The following POTEE variants were observed in gnomAD, a reference collection of about 807,000 sequenced individuals.
The protein encoded by POTEE is ANKRD26-like family C member 1A.
POTEE carries 21 observed loss-of-function variants against 74.2 expected under a neutral mutation model. The observed-to-expected ratio is 0.28, with a 90% CI of 0.20 to 0.41. The LOEUF (loss-of-function observed/expected upper bound fraction) is 0.41, where lower values mean the gene tolerates loss of function less well. POTEE is among the 10% of genes least tolerant of loss of function. The pLI is 1.00. For missense variants in POTEE, 525 were observed against 1,158.6 expected, an observed-to-expected ratio of 0.45 and a Z score of 7.94; for synonymous variants, 211 against 432.8, an observed-to-expected ratio of 0.49 and a Z score of 6.36.
intron 6 of POTEE, among the ~76,000 whole-genome samples, chr2:131,225,992 C>G (rs181905834): frequency 3.2e-4 from 49 of 152,238 alleles, no homozygotes; most frequent in African/African-American, 1.1e-3. Context: ...GAGGATGGCC[C>G]TCTCAGGATT....
intron 16 of POTEE, among the ~76,000 whole-genome samples, chr2:131,259,403 A>G (rs1204938873): frequency 1.4e-5 from 2 of 146,950 alleles, no homozygotes; most frequent in Admixed American, 6.8e-5. Context: ...GCTGGATAAA[A>G]TGGTAGGATC....
At chr2:131,211,274 C>T (rs961697324) in intron 2 of POTEE, among the ~76,000 whole-genome samples, 91 bp downstream of exon 2, 1 of 151,634 alleles carries the variant, frequency 6.6e-6, no homozygotes, top group African/African-American at 2.4e-5. Context: ...GGCATTGGTG[C>T]TAGTGGTGGT....
Position 131,209,575 on chromosome 2 carries a change from G to C in POTEE, c.-589G>C, listed in dbSNP as rs1301696713. Among the ~76,000 whole-genome samples the C allele has an allele frequency of 2.0e-5, 3 of 152,232 alleles. No homozygotes were observed. The highest frequency in any genetic ancestry group is 2.0e-4 in the Admixed American group (3 of 15,280). On this transcript the variant is annotated 5_prime_UTR_variant, in exon 1 of 18. It removes an upstream start codon present in the reference 5' UTR. Coordinates refer to ENST00000683005, the MANE Select transcript of POTEE (RefSeq NM_001083538.3). ...AGTGTGGGCGTTTGGTAACCGGCAT[G>C]GCTGCTACCTGTTTCTGGCTGGAGC... is the stretch of plus-strand genomic sequence containing the variant.
At chr2:131,218,078 A>C (rs1162858290) in intron 3 of POTEE, 3 of 438,410 alleles carry the variant, frequency 6.8e-6, no homozygotes, top group Non-Finnish European at 1.2e-5. Flanking sequence ...GCTGGGCTTG[A>C]CCTTTTCTCT....
chr2:131,235,555 G>A (rs1701102382), intron 9 of POTEE, among the ~76,000 whole-genome samples: 1 of 151,870 alleles, frequency 6.6e-6, no homozygotes, highest in Non-Finnish European at 1.5e-5. Flanking sequence ...CAGCATTTTG[G>A]GAGGCTGGAG....
chr2:131,212,711 T>C (rs186765519), intron 2 of POTEE, among the ~76,000 whole-genome samples: 1,807 of 150,916 alleles, frequency 0.012, 13 homozygotes, highest in African/African-American at 0.042. Context: ...ATTGCAGGCA[T>C]GTGCCACCAT....
At chr2:131,217,819 C>T (rs1410911788) in intron 3 of POTEE, among the ~76,000 whole-genome samples, 136 bp downstream of exon 3, 1 of 150,672 alleles carries the variant, frequency 6.6e-6, no homozygotes, top group Non-Finnish European at 1.5e-5. Context: ...TGGCTTGTAA[C>T]GGCTTGCACG....
At position 131,263,775 on chromosome 2, in the gene POTEE, G is replaced by T. The variant is rs571289203; in HGVS notation, c.2320G>T (p.Gly774Cys). 6.2e-7 allele frequency: 1 copy of T among 1,613,094 alleles called. No homozygotes were observed. Among genetic ancestry groups the T allele is most frequent in the South Asian group, 1.1e-5 (1 of 91,006 alleles). Residue 774 changes from glycine (G) to cysteine (C), a missense_variant, in exon 18 of 18, where the codon GGC becomes TGC. Coordinates refer to ENST00000683005, the MANE Select transcript of POTEE (RefSeq NM_001083538.3). Reference protein sequence around the residue: ...ILTLKYPMEHGIITNWDDMEK... With the variant: ...ILTLKYPMEHCIITNWDDMEK... ...GACCCTGAAGTACCCCATGGAACAC[G>T]GCATCATCACCAACTGGGATGACAT...
At position 131,264,078 on chromosome 2, in the gene POTEE, A is replaced by G. The variant is rs766163615; in HGVS notation, c.2623A>G (p.Thr875Ala). The G allele has an allele frequency of 2.5e-6, 4 of 1,614,018 alleles. No individual in the cohort carries two copies. The highest frequency in any genetic ancestry group is 2.2e-5 in the East Asian group (1 of 44,892). The stretch of plus-strand genomic sequence containing the variant: ...TGAGGGGAATGCCCTCCCCCATGCC[A>G]CCCTGCGCCTAGACCTGGCTGGGCG... ...IYEGNALPHA[T>A]LRLDLAGREL... The change falls in exon 18 of 18, where the codon ACC (threonine) becomes GCC (alanine). Residue 875 changes from threonine (T) to alanine (A), a missense_variant. Coordinates refer to ENST00000683005, the MANE Select transcript of POTEE (RefSeq NM_001083538.3).
intron 3 of POTEE, among the ~76,000 whole-genome samples, 110 bp downstream of exon 3, chr2:131,217,793 C>G (rs1573695169): frequency 6.9e-6 from 1 of 145,244 alleles, no homozygotes; most frequent in African/African-American, 2.8e-5. Flanking sequence ...CACGCGCACG[C>G]CCGGCAGCAG....
chr2:131,245,219 CT>C (rs1209106496), intron 12 of POTEE, among the ~76,000 whole-genome samples, 187 bp from the exon 13 acceptor site: 4,319 of 147,340 alleles, frequency 0.029, 49 homozygotes, highest in African/African-American at 0.1. Flanking sequence ...TTTCATCTTA[CT>C]TTTTTTTCTT....
intron 6 of POTEE, 127 bp downstream of exon 6, chr2:131,224,170 C>T (rs1477333509): frequency 2.2e-6 from 3 of 1,346,862 alleles, no homozygotes; most frequent in South Asian, 2.9e-5. Context: ...TTTGAAATGA[C>T]CTAATTATCT....
intron 17 of POTEE, 38 bp from the exon 18 acceptor site, chr2:131,263,317 T>A (rs1162345398): frequency 1.1e-5 from 18 of 1,585,810 alleles, no homozygotes; most frequent in Non-Finnish European, 1.5e-5. Flanking sequence ...TATGTCAATC[T>A]ATTGAGTGCT....
At chr2:131,220,111 TAAG>T (rs1700571921) in intron 4 of POTEE, among the ~76,000 whole-genome samples, 1 of 151,980 alleles carries the variant, frequency 6.6e-6, no homozygotes, top group African/African-American at 2.4e-5. Flanking sequence ...GTCACAAAAA[TAAG>T]AGTATAGATT....
chr2:131,223,626 G>T lies in POTEE; in HGVS notation c.552G>T (p.Gly184=). The stretch of plus-strand genomic sequence containing the variant: ...CTCTACATCTGGCCTCTGCCAATGG[G>T]AATTCAGAAGTAGTAAAACTCCTGC... ...RTALHLASAN[G]NSEVVKLLLD... is the part of the protein sequence containing the mutation. Residue 184 remains glycine, a synonymous_variant, in exon 5 of 18, where the codon GGG becomes GGT. Coordinates refer to ENST00000683005, the MANE Select transcript of POTEE (RefSeq NM_001083538.3). The T allele has an allele frequency of 6.2e-7, 1 of 1,612,154 alleles. No homozygotes were observed.
At chr2:131,215,518 A>G (rs530281649) in intron 2 of POTEE, among the ~76,000 whole-genome samples, 1 of 151,632 alleles carries the variant, frequency 6.6e-6, no homozygotes, top group East Asian at 1.9e-4. Flanking sequence ...AAATAAGCAT[A>G]TCTGTTAATA....
At chr2:131,211,648 G>A (rs1236991689) in intron 2 of POTEE, among the ~76,000 whole-genome samples, 1 of 147,868 alleles carries the variant, frequency 6.8e-6, no homozygotes, top group Non-Finnish European at 1.5e-5. Flanking sequence ...TGCTTCCTGG[G>A]TTCACCCCAT....
intron 10 of POTEE, among the ~76,000 whole-genome samples, chr2:131,237,373 C>T (rs1194855767): frequency 6.6e-6 from 1 of 151,976 alleles, no homozygotes; most frequent in East Asian, 1.9e-4. Flanking sequence ...TATGGTCTCT[C>T]GTTGACCTCA....
At chr2:131,236,563 A>G (rs1306762871) in intron 9 of POTEE, among the ~76,000 whole-genome samples, 169 bp from the exon 10 acceptor site, 1 of 151,678 alleles carries the variant, frequency 6.6e-6, no homozygotes, top group African/African-American at 2.4e-5. Flanking sequence ...TGTCTCCCCA[A>G]GTGGTTTGTT....
Sources: gnomAD v4.1 joint callset for allele counts (sites outside exome capture counted in the v4.1 genomes callset) on GRCh38, gnomAD v4.1.1 for gene constraint, MANE v1.5 for transcripts, NCBI Gene and HGNC (gene_info 2026-07-23, HGNC 2026-07-21) for gene names.